The following AFF3 variants were observed in gnomAD, a reference collection of about 807,000 sequenced individuals.
AFF3 encodes the protein ALF transcription elongation factor 3, also known as AF4/FMR2 family member 3.
AFF3 carries 32 observed loss-of-function variants against 129.7 expected under a neutral mutation model. The observed-to-expected ratio is 0.25, with a 90% CI of 0.19 to 0.33. The LOEUF is 0.33. Ranked by LOEUF, AFF3 falls within the 10% of genes least tolerant of loss-of-function variation. AFF3 has a pLI of 1.00. For synonymous variants in AFF3, 644 were observed against 635.4 expected (o/e 1.01, Z -0.20); for missense variants, 1,373 against 1,592.0 (o/e 0.86, Z 2.34).
intron 18 of AFF3, among the ~76,000 whole-genome samples, chr2:99,570,535 G>A (rs375037763): frequency 6.6e-6 from 1 of 151,948 alleles, no homozygotes; most frequent in African/African-American, 2.4e-5. Flanking sequence ...ACGGGGTTTT[G>A]CCATGTTGCA....
At chr2:99,868,684 G>A (rs1173242251) in intron 7 of AFF3, among the ~76,000 whole-genome samples, 2 of 152,116 alleles carry the variant, frequency 1.3e-5, no homozygotes, top group Non-Finnish European at 2.9e-5. Context: ...ATATCAAAGA[G>A]GAAAAGAGGA....
intron 18 of AFF3, among the ~76,000 whole-genome samples, chr2:99,574,937 G>A (rs1014099178): frequency 1.3e-5 from 2 of 152,142 alleles, no homozygotes; most frequent in African/African-American, 4.8e-5. Flanking sequence ...ACAGGGCTGA[G>A]GTCTTCCTCT....
intron 12 of AFF3, among the ~76,000 whole-genome samples, chr2:99,665,702 G>A (rs927335238): frequency 6.6e-6 from 1 of 152,228 alleles, no homozygotes; most frequent in Non-Finnish European, 1.5e-5. Flanking sequence ...AGGAATGGGT[G>A]AGATCACCCA....
rs551321529 is a variant in AFF3, at chr2:100,030,102, T to A, written c.54-21170A>T. ...ATAATAATAATAATAATAATAATGATAAGATGATAAACTTCTTGTTATATA... is the reference window on the plus strand; with the variant it reads ...ATAATAATAATAATAATAATAATGAAAAGATGATAAACTTCTTGTTATATA... On this transcript the variant is annotated intron_variant, in intron 4 of 24. Coordinates refer to ENST00000672756, the MANE Select transcript of AFF3 (RefSeq NM_001386135.1). 1.7e-3 allele frequency among the ~76,000 whole-genome samples: 259 copies of A among 151,262 alleles called. 5 individuals are homozygous for A. Among genetic ancestry groups the A allele is most frequent in the African/African-American group, 6.0e-3 (246 of 41,248 alleles).
chr2:100,125,440 G>C (rs1692145461), intron 2 of AFF3, among the ~76,000 whole-genome samples: 1 of 152,160 alleles, frequency 6.6e-6, no homozygotes, highest in Non-Finnish European at 1.5e-5. Flanking sequence ...TCGCAGAGTG[G>C]GGCCCATGCC....
chr2:100,119,176 GTC>G (rs747438067), intron 2 of AFF3, among the ~76,000 whole-genome samples: 20 of 152,214 alleles, frequency 1.3e-4, no homozygotes, highest in Non-Finnish European at 2.2e-4. Context: ...CTGCTTATGT[GTC>G]TCAGTTTCTA....
chr2:99,694,696 C>T (rs1483184210), intron 11 of AFF3, among the ~76,000 whole-genome samples: 1 of 152,068 alleles, frequency 6.6e-6, no homozygotes, highest in Non-Finnish European at 1.5e-5. Context: ...AAAACAAAAA[C>T]CCAACGAATT....
chr2:99,568,410 C>T (rs1676171927), intron 19 of AFF3, among the ~76,000 whole-genome samples: 1 of 152,188 alleles, frequency 6.6e-6, no homozygotes, highest in African/African-American at 2.4e-5. Flanking sequence ...ATAATAGTTT[C>T]TGTGTTGTAC....
intron 7 of AFF3, among the ~76,000 whole-genome samples, chr2:99,868,736 T>C (rs1049267882): frequency 6.6e-6 from 1 of 152,184 alleles, no homozygotes; most frequent in Non-Finnish European, 1.5e-5. Flanking sequence ...TTCTCTTTTG[T>C]ATGAAGCTGT....
At chr2:99,948,823 G>A (rs556063867) in intron 7 of AFF3, among the ~76,000 whole-genome samples, 1 of 152,108 alleles carries the variant, frequency 6.6e-6, no homozygotes, top group Non-Finnish European at 1.5e-5. Context: ...TCTGTATCAT[G>A]AGCTCACAAC....
rs571459158 is a variant in AFF3 at position 99,704,111 on chromosome 2, C to T, written c.1091+22966G>A. ...TTTCTTCCACATGCACTGACCAGCA[C>T]CATCAGATGTCATTATAACTTCTGC... On this transcript the variant is annotated intron_variant, in intron 11 of 24. Coordinates refer to ENST00000672756, the MANE Select transcript of AFF3 (RefSeq NM_001386135.1). 2.0e-4 allele frequency among the ~76,000 whole-genome samples: 31 copies of T among 152,240 alleles called. No homozygotes were observed. The South Asian group carries it at 5.0e-3, about 24-fold the overall frequency.
chr2:99,884,228 C>T (rs1263982251), intron 7 of AFF3, among the ~76,000 whole-genome samples: 2 of 152,072 alleles, frequency 1.3e-5, no homozygotes, highest in Non-Finnish European at 2.9e-5. Flanking sequence ...TATGGGGTTA[C>T]GATGTGGTGT....
In AFF3 at chr2:99,594,282, G is replaced by A. The variant is rs1350738249; in HGVS notation, c.1379C>T (p.Pro460Leu). Residue 460 changes from proline (P) to leucine (L), a missense_variant, in exon 15 of 25, where the codon CCG becomes CTG. By Grantham distance (98) the Pro-to-Leu change is moderately conservative (BLOSUM62 -3). Around this residue, in one of 9 missense-constraint regions of AFF3, gnomAD observed 413 missense variants for 424.4 expected, o/e 0.97. Coordinates refer to ENST00000672756, the MANE Select transcript of AFF3 (RefSeq NM_001386135.1). ...CAGCTGCCACTTGTTAGAGGATGCC[G>A]GTTCAGCCTGAAAGCAGAAAACCGG... is the stretch of plus-strand genomic sequence containing the variant. Reference protein sequence around the residue: ...PPHFSSPEAEPASSNKWQLDK... With the variant: ...PPHFSSPEAELASSNKWQLDK... 4 of 1,603,338 alleles carry A rather than the reference G, an allele frequency of 2.5e-6. No individual in the cohort carries two copies. Among genetic ancestry groups the A allele is most frequent in the Non-Finnish European group, 3.4e-6 (4 of 1,172,304 alleles).
chr2:99,798,393 T>C (rs1055676364), intron 8 of AFF3, among the ~76,000 whole-genome samples: 1 of 151,956 alleles, frequency 6.6e-6, no homozygotes, highest in Non-Finnish European at 1.5e-5. Context: ...TTGAATTACA[T>C]TGAATGTAAT....
chr2:100,075,554 T>C (rs1688521200), intron 4 of AFF3, among the ~76,000 whole-genome samples: 2 of 152,138 alleles, frequency 1.3e-5, no homozygotes, highest in Admixed American at 6.5e-5. Flanking sequence ...TAAGTACTTA[T>C]ATTTCCTAGA....
chr2:99,779,981 G>A (rs1339351475), intron 8 of AFF3, among the ~76,000 whole-genome samples: 2 of 152,158 alleles, frequency 1.3e-5, no homozygotes, highest in African/African-American at 4.8e-5. Flanking sequence ...TATAAGAAAA[G>A]ATAAAGAACA....
chr2:99,979,129 A>G (rs991887271), intron 7 of AFF3, among the ~76,000 whole-genome samples: 4 of 151,598 alleles, frequency 2.6e-5, no homozygotes, highest in African/African-American at 9.7e-5. Context: ...TTGCCTCCCT[A>G]GTATCCTCAA....
chr2:99,695,938 G>GAAAAAAAAAAAAAAAAAAAGAAAAAAA (rs1676183401), intron 11 of AFF3, among the ~76,000 whole-genome samples: 1 of 57,648 alleles, frequency 1.7e-5, no homozygotes, highest in Non-Finnish European at 2.9e-5. Flanking sequence ...CTGGAAAAAT[G>GAAAAAAAAAAAAAAAAAAAGAAAAAAA]AAAAAAAAAA....
At chr2:100,053,786 C>A (rs542724797) in intron 4 of AFF3, among the ~76,000 whole-genome samples, 1 of 152,316 alleles carries the variant, frequency 6.6e-6, no homozygotes, top group African/African-American at 2.4e-5. Context: ...ATCCCTCTTC[C>A]TCATCCTCTT....
Sources: gnomAD v4.1 joint callset for allele counts (sites outside exome capture counted in the v4.1 genomes callset) on GRCh38, gnomAD v4.1.1 for gene constraint, gnomAD v4.1.1 regional missense constraint, MANE v1.5 for transcripts, NCBI Gene and HGNC (gene_info 2026-07-23, HGNC 2026-07-21) for gene names.